DMC1: variants seen among roughly 807,000 people sequenced by gnomAD.
The protein encoded by DMC1 is meiotic recombination protein DMC1 homolog.
DMC1 carries 27 observed loss-of-function variants against 50.1 expected under a neutral mutation model. That is an observed-to-expected ratio of 0.54 (90% CI 0.40 to 0.74). The LOEUF (loss-of-function observed/expected upper bound fraction) is 0.74, where lower values mean the gene tolerates loss of function less well. Among genes scored for constraint, DMC1 ranks in the 30% least tolerant of loss-of-function variants. DMC1 has a pLI of 0.00. For synonymous variants in DMC1, 148 were observed against 136.1 expected, an observed-to-expected ratio of 1.09 and a Z score of -0.61; for missense variants, 295 against 420.2, an observed-to-expected ratio of 0.70 and a Z score of 2.60.
In DMC1 at chr22:38,564,328, G is replaced by C. The variant is rs534709010; in HGVS notation, c.244-1959C>G. ...CTCTCTCTCTCTTTTTTTTTCTTTT[G>C]AGACAGAGTCTCGCTGTGTCACCCA... On this transcript the variant is annotated intron_variant, in intron 4 of 13. Transcript: ENST00000216024. 2.0e-5 allele frequency among the ~76,000 whole-genome samples: 3 copies of C among 151,084 alleles called. No individual in the cohort carries two copies. The South Asian group carries it at 6.3e-4, about 32-fold the overall frequency.
rs772675301 is a variant in DMC1, at chr22:38,520,063, G to A, written c.980C>T (p.Thr327Ile). ...DSPEMPENEA[T>I]FAITAGGIGD... ...AATTCCTCCAGCAGTTATTGCGAAG[G>A]TGGCTTCATTTTCAGGCATCTCAGG... Residue 327 changes from threonine (T) to isoleucine (I), a missense_variant, in exon 14 of 14, where the codon ACC (threonine) becomes ATC (isoleucine). Thr to Ile is a moderately conservative substitution (Grantham distance 89). Transcript: ENST00000216024. The A allele has an allele frequency of 3.7e-6, 6 of 1,613,426 alleles. No homozygotes were observed. Among genetic ancestry groups the A allele is most frequent in the South Asian group, 1.1e-5 (1 of 91,078 alleles).
chr22:38,533,268 G>A (rs1046293614), intron 12 of DMC1, among the ~76,000 whole-genome samples: 5 of 151,658 alleles, frequency 3.3e-5, no homozygotes, highest in Admixed American at 1.3e-4. Context: ...GGTGGCGGGC[G>A]CCTATAGTCC....
intron 6 of DMC1, among the ~76,000 whole-genome samples, chr22:38,554,214 C>T (rs1355292077): frequency 6.6e-6 from 1 of 151,972 alleles, no homozygotes; most frequent in Middle Eastern, 3.2e-3. Flanking sequence ...AACTGAGGTC[C>T]TTAAAGGGGA....
chr22:38,551,404 C>T (rs554106849), intron 7 of DMC1, among the ~76,000 whole-genome samples: 8 of 152,116 alleles, frequency 5.3e-5, no homozygotes, highest in South Asian at 4.1e-4. Context: ...TCTCGGCCCA[C>T]GGCAACCTCT....
intron 5 of DMC1, among the ~76,000 whole-genome samples, chr22:38,559,427 C>T (rs964578605): frequency 6.6e-6 from 1 of 152,052 alleles, no homozygotes; most frequent in Non-Finnish European, 1.5e-5. Flanking sequence ...TCTTGGCCTC[C>T]CGAAGTGCTG....
At chr22:38,553,017 T>G (rs571988608) in intron 6 of DMC1, among the ~76,000 whole-genome samples, 1 of 151,618 alleles carries the variant, frequency 6.6e-6, no homozygotes, top group Non-Finnish European at 1.5e-5. Context: ...CCGGCTAGTT[T>G]TTGTATTTTA....
intron 1 of DMC1, among the ~76,000 whole-genome samples, chr22:38,568,923 A>T (rs5757151): frequency 2.6e-5 from 4 of 151,884 alleles, no homozygotes; most frequent in South Asian, 2.1e-4. Context: ...CCGGGTGTGG[A>T]GGCTCATGCC....
chr22:38,538,159 AAC>A (rs2090236792), intron 11 of DMC1, 134 bp downstream of exon 11: 1 of 744,284 alleles, frequency 1.3e-6, no homozygotes. Flanking sequence ...ACAAAAAAAA[AAC>A]AAAGAGTTGT....
intron 8 of DMC1, among the ~76,000 whole-genome samples, chr22:38,546,721 A>G (rs1467302885): frequency 6.6e-6 from 1 of 152,242 alleles, no homozygotes; most frequent in Non-Finnish European, 1.5e-5. Flanking sequence ...GGAAGATTAG[A>G]AAAAGCAGGC....
At chr22:38,515,216 G>A (rs553434180), downstream of DMC1, among the ~76,000 whole-genome samples, 5 of 150,698 alleles carry the variant, frequency 3.3e-5, 1 homozygote, top group South Asian at 2.1e-4. Flanking sequence ...AGTGGCTCAC[G>A]CCTGTAATCG....
chr22:38,511,172 G>C, the DMC1 span, among the ~76,000 whole-genome samples: 6 of 152,122 alleles, frequency 3.9e-5, no homozygotes, highest in African/African-American at 1.4e-4. Context: ...ACCTTGCATA[G>C]TATACAATAG....
chr22:38,511,974 T>A, the DMC1 span, among the ~76,000 whole-genome samples: 8 of 151,762 alleles, frequency 5.3e-5, no homozygotes, highest in African/African-American at 1.9e-4. Flanking sequence ...TTCTGCCTTT[T>A]ATCTTTCTTT....
intron 12 of DMC1, among the ~76,000 whole-genome samples, chr22:38,526,053 C>G (rs1398250799): frequency 6.6e-6 from 1 of 152,022 alleles, no homozygotes; most frequent in African/African-American, 2.4e-5. Flanking sequence ...GAAGTTATAT[C>G]AAAATAGGCT....
intron 13 of DMC1, among the ~76,000 whole-genome samples, chr22:38,520,372 AT>A (rs58563189): frequency 4.8e-4 from 71 of 147,118 alleles, no homozygotes; most frequent in Non-Finnish European, 4.2e-4. Context: ...ATTTATTTTA[AT>A]TTTTTTTTTT....
intron 8 of DMC1, among the ~76,000 whole-genome samples, chr22:38,542,834 C>A (rs139825348): frequency 6.6e-6 from 1 of 152,056 alleles, no homozygotes; most frequent in East Asian, 1.9e-4. Context: ...CAAAACAGCA[C>A]GGTATGGGCA....
intron 8 of DMC1, among the ~76,000 whole-genome samples, chr22:38,542,460 C>T (rs566496305): frequency 2.6e-5 from 4 of 152,144 alleles, no homozygotes; most frequent in African/African-American, 9.6e-5. Flanking sequence ...ACAATAGCTA[C>T]AAATAAAATT....
At chr22:38,565,057 T>C (rs1272848035) in intron 4 of DMC1, among the ~76,000 whole-genome samples, 1 of 152,158 alleles carries the variant, frequency 6.6e-6, no homozygotes, top group African/African-American at 2.4e-5. Flanking sequence ...AATAGAGAAA[T>C]GGAGAGGCCT....
At chr22:38,513,996 G>T (rs754952191), downstream of DMC1, among the ~76,000 whole-genome samples, 55 of 152,168 alleles carry the variant, frequency 3.6e-4, no homozygotes, top group African/African-American at 1.3e-3. Flanking sequence ...ATAGCAGCAC[G>T]GAAATCAGCA....
chr22:38,513,574 C>CTT, the DMC1 span, among the ~76,000 whole-genome samples: 10 of 152,018 alleles, frequency 6.6e-5, no homozygotes, highest in Admixed American at 6.6e-4. Context: ...CTCTCTCTTT[C>CTT]TTTTTTCTTT....
Sources: gnomAD v4.1 joint callset for allele counts (sites outside exome capture counted in the v4.1 genomes callset) on GRCh38, gnomAD v4.1.1 for gene constraint, MANE v1.5 for transcripts, NCBI Gene and HGNC (gene_info 2026-07-23, HGNC 2026-07-21) for gene names.